The following CTTNBP2 variants were observed in gnomAD, a reference collection of about 807,000 sequenced individuals.
The protein encoded by CTTNBP2 is cortactin binding protein 2.
A neutral mutation model predicts 156.9 loss-of-function variants in CTTNBP2; 108 were observed. The observed-to-expected ratio is 0.69, with a 90% CI of 0.59 to 0.81. CTTNBP2 has a LOEUF of 0.81. Ranked by LOEUF, CTTNBP2 falls within the 30% of genes least tolerant of loss-of-function variation. CTTNBP2 has a pLI of 0.00. For missense variants in CTTNBP2, 1,924 were observed against 2,035.4 expected, an observed-to-expected ratio of 0.95 and a Z score of 1.05; for synonymous variants, 767 against 751.8, an observed-to-expected ratio of 1.02 and a Z score of -0.33.
chr7:117,810,536 C>T (rs1306326342), intron 3 of CTTNBP2, among the ~76,000 whole-genome samples: 11 of 152,114 alleles, frequency 7.2e-5, no homozygotes, highest in African/African-American at 2.7e-4. Flanking sequence ...TAACCATTAT[C>T]AGAAACATAA....
At chr7:117,732,934 A>G (rs547014941) in intron 16 of CTTNBP2, among the ~76,000 whole-genome samples, 9 of 152,318 alleles carry the variant, frequency 5.9e-5, no homozygotes, top group South Asian at 2.1e-4. Context: ...TGATCATTAT[A>G]TAACTCTTTT....
intron 2 of CTTNBP2, among the ~76,000 whole-genome samples, chr7:117,812,915 G>A (rs916233971): frequency 5.9e-5 from 9 of 152,032 alleles, no homozygotes; most frequent in African/African-American, 2.2e-4. Flanking sequence ...TCGGTGGTAC[G>A]GCAGCTTCCT....
rs931839115 is a variant in CTTNBP2 at position 117,711,557 on chromosome 7, G to A, written c.4972C>T (p.Leu1658=). 1.3e-5 allele frequency: 21 copies of A among 1,612,902 alleles called. No homozygotes were observed. Among genetic ancestry groups the A allele is most frequent in the Non-Finnish European group, 1.7e-5 (20 of 1,179,672 alleles). The change falls in exon 23 of 23, where the codon CTA becomes TTA. Residue 1658 remains leucine (L), a synonymous_variant. Transcript: ENST00000160373. ...CAGGCCTATTTGTTAGGTTTTTCTA[G>A]GTGTTCATTTTTGTGTAAGTTCCAA... ...VNWNLHKNEH[L]EKPNK
chr7:117,866,579 A>T (rs984058042), intron 1 of CTTNBP2, among the ~76,000 whole-genome samples: 3 of 152,174 alleles, frequency 2.0e-5, no homozygotes, highest in Non-Finnish European at 4.4e-5. Context: ...GGCAGACTGG[A>T]AGGTGGGGTG....
At chr7:117,862,485 T>G (rs1273992466) in intron 1 of CTTNBP2, among the ~76,000 whole-genome samples, 2 of 152,202 alleles carry the variant, frequency 1.3e-5, no homozygotes, top group African/African-American at 4.8e-5. Context: ...CCAACCTTCC[T>G]CATAGCAACT....
chr7:117,757,947 G>GA lies in CTTNBP2; in HGVS notation c.3195dup (p.Gln1066SerfsTer15). 6.2e-7 allele frequency: 1 copy of GA among 1,613,282 alleles called. No homozygotes were observed. Among genetic ancestry groups the GA allele is most frequent in the Non-Finnish European group, 8.5e-7 (1 of 1,179,658 alleles). Reference sequence around the variant, plus strand: ...TCCCACGGGGACTGCGCGAAGCTCTGACCCACTGACCACGGCACATTTCCT... The same window carrying GA: ...TCCCACGGGGACTGCGCGAAGCTCTGAACCCACTGACCACGGCACATTTCCT... On this transcript the variant is annotated frameshift_variant, in exon 11 of 23. Transcript: ENST00000160373. LOFTEE classifies it high-confidence loss of function.
intron 11 of CTTNBP2, 54 bp downstream of exon 11, chr7:117,757,821 G>A (rs537960368): frequency 8.2e-5 from 98 of 1,197,122 alleles, no homozygotes; most frequent in Non-Finnish European, 1.1e-4. Flanking sequence ...GTGCTCTGAG[G>A]CAGCCATGAA....
At position 117,873,433 on chromosome 7, in the gene CTTNBP2, T is replaced by C; in HGVS notation, c.-18A>G. On this transcript the variant is annotated 5_prime_UTR_variant, in exon 1 of 23. Coordinates refer to ENST00000160373, the MANE Select transcript of CTTNBP2 (RefSeq NM_033427.3). ...GTCGCCATCTTCCTGCTCTAGCGGA[T>C]CCGAATGCGAGCTCGGAGCCGCGGC... The C allele has an allele frequency of 6.8e-7, 1 of 1,468,696 alleles. No homozygotes were observed. The highest frequency in any genetic ancestry group is 9.0e-7 in the Non-Finnish European group (1 of 1,114,684). The allele number at this position is 1,468,696 out of a possible 1,614,324, so 91.0% of individuals were successfully genotyped here. A position where few individuals can be genotyped will look rare whatever the true frequency, so the allele number is the denominator to read the frequency against.
Position 117,768,581 on chromosome 7 carries a change from A to AAAAAG in CTTNBP2, c.2779-1406_2779-1405insCTTTT, listed in dbSNP as rs1554419704. ...ACTCTGTCTCAAAAAAAAAAAAAAA[A>AAAAAG]AAAGAAAGAAAGAAAGAAAGAAATA... is the stretch of plus-strand genomic sequence containing the variant. On this transcript the variant is annotated intron_variant, in intron 8 of 22. Transcript: ENST00000160373. 2.2e-3 allele frequency among the ~76,000 whole-genome samples: 222 copies of AAAAAG among 99,108 alleles called. 8 individuals are homozygous for AAAAAG. Among genetic ancestry groups the AAAAAG allele is most frequent in the African/African-American group, 9.6e-3 (202 of 21,030 alleles). 65.0% of individuals were successfully genotyped at this position (99,108 alleles called of 152,430 possible).
chr7:117,743,324 G>C (rs1271312591), intron 14 of CTTNBP2, among the ~76,000 whole-genome samples: 1 of 152,146 alleles, frequency 6.6e-6, no homozygotes, highest in Non-Finnish European at 1.5e-5. Context: ...AAATGCGGGA[G>C]ACTTTTGTTA....
chr7:117,793,412 C>T (rs182253261), intron 3 of CTTNBP2: 1 of 152,262 alleles, frequency 6.6e-6, no homozygotes, highest in Admixed American at 6.5e-5. Context: ...TGGAGCCTGA[C>T]CTTGTCTCCT....
intron 14 of CTTNBP2, 83 bp downstream of exon 14, chr7:117,745,748 C>T (rs1796291106): frequency 1.1e-6 from 1 of 895,874 alleles, no homozygotes; most frequent in Admixed American, 2.0e-5. Flanking sequence ...TATCCCCAAG[C>T]AACACAGTGT....
chr7:117,814,467 C>A (rs1800463837), intron 2 of CTTNBP2, among the ~76,000 whole-genome samples: 1 of 152,114 alleles, frequency 6.6e-6, no homozygotes, highest in South Asian at 2.1e-4. Flanking sequence ...GCTCTGCCAC[C>A]CAGGCTGGAG....
rs1796049012 is a variant in CTTNBP2, at chr7:117,742,002, G to C, written c.3535+3829C>G. 2.0e-5 allele frequency among the ~76,000 whole-genome samples: 3 copies of C among 152,120 alleles called. No homozygotes were observed. The South Asian group carries it at 6.2e-4, about 32-fold the overall frequency. ...GAGCTCATCATATAACATGTGTGTG[G>C]GACAAGGCAAAACCCCAAATAATAC... On this transcript the variant is annotated intron_variant, in intron 14 of 22. Transcript: ENST00000160373.
rs1047966732 is a variant in CTTNBP2 at position 117,735,017 on chromosome 7, C to T, written c.3772G>A (p.Asp1258Asn). 12 of 1,614,208 alleles carry T rather than the reference C, an allele frequency of 7.4e-6. No homozygotes were observed. The highest frequency in any genetic ancestry group is 2.7e-5 in the African/African-American group (2 of 75,062). ...TIAKACLQGS[D>N]LLVQQHFRWV... Reference sequence around the variant, plus strand: ...CGGAAATGCTGCTGCACCAGCAAGTCGGAGCCCTGGAGACAGGCCTTGGCG... The same window carrying T: ...CGGAAATGCTGCTGCACCAGCAAGTTGGAGCCCTGGAGACAGGCCTTGGCG... The change falls in exon 16 of 23, where the codon GAC (aspartate) becomes AAC (asparagine). Residue 1258 changes from aspartate to asparagine, a missense_variant. Physicochemically the swap from Asp to Asn is conservative, Grantham distance 23. Coordinates refer to ENST00000160373, the MANE Select transcript of CTTNBP2 (RefSeq NM_033427.3).
At position 117,792,203 on chromosome 7, in the gene CTTNBP2, G is replaced by A; in HGVS notation, c.993C>T (p.Ser331=). The A allele has an allele frequency of 1.2e-6, 2 of 1,614,192 alleles. No homozygotes were observed. Among genetic ancestry groups the A allele is most frequent in the Non-Finnish European group, 1.7e-6 (2 of 1,180,028 alleles). ...KLPLTMPVKP[S]TGSPLVSANA... ...TTGCAGAAACTAGGGGACTCCCTGT[G>A]GAAGGTTTTACAGGCATGGTTAAAG... The change falls in exon 4 of 23, where the codon TCC becomes TCT. Residue 331 remains serine (S), a synonymous_variant. Transcript: ENST00000160373. This position sits in a 1 kb window ranked among gnomAD's most constrained non-coding sequence, Gnocchi z 4.2.
chr7:117,857,534 AAT>A (rs1371147428), intron 2 of CTTNBP2, among the ~76,000 whole-genome samples: 2 of 152,230 alleles, frequency 1.3e-5, no homozygotes, highest in African/African-American at 2.4e-5. Flanking sequence ...CTTCATCTGA[AAT>A]ATATGTTTAA....
rs865946582 is a variant in CTTNBP2, at chr7:117,730,413, T to C, written c.3877-2146A>G. 3.9e-5 allele frequency among the ~76,000 whole-genome samples: 6 copies of C among 152,294 alleles called. No individual in the cohort carries two copies. The South Asian group carries it at 6.2e-4, about 16-fold the overall frequency. On this transcript the variant is annotated intron_variant, in intron 16 of 22. Coordinates refer to ENST00000160373, the MANE Select transcript of CTTNBP2 (RefSeq NM_033427.3). ...CTGTTTAATTAGCATGATTTGAGTG[T>C]TGTACCCATGAAGTCGGACAGAATC...
chr7:117,777,686 G>T lies in CTTNBP2; in HGVS notation c.2603C>A (p.Pro868Gln). ...CTCATTGAAAGAATTTCCATGAGCTGGTATTCTATGGTACATAAGAAGCTT... is the reference window on the plus strand; with the variant it reads ...CTCATTGAAAGAATTTCCATGAGCTTGTATTCTATGGTACATAAGAAGCTT... ...SLKLLMYHRI[P>Q]AHGNSFNEEE... Residue 868 changes from proline (P) to glutamine (Q), a missense_variant, in exon 8 of 23, where the codon CCA (proline) becomes CAA (glutamine). Pro to Gln is a moderately conservative substitution (Grantham distance 76). Transcript: ENST00000160373. 6.2e-7 allele frequency: 1 copy of T among 1,613,996 alleles called. No homozygotes were observed. Among genetic ancestry groups the T allele is most frequent in the Non-Finnish European group, 8.5e-7 (1 of 1,179,938 alleles).
Sources: allele counts gnomAD v4.1 joint callset (sites outside exome capture counted in the v4.1 genomes callset), GRCh38; gene constraint gnomAD v4.1.1; non-coding constraint Gnocchi (gnomAD v3.1); transcripts MANE v1.5; gene names NCBI Gene and HGNC (gene_info 2026-07-23, HGNC 2026-07-21).